The following AMPD2 variants were observed in gnomAD, a reference collection of about 807,000 sequenced individuals.
AMPD2 encodes the protein adenosine monophosphate deaminase 2, also known as AMP deaminase 2.
In AMPD2, 52 loss-of-function variants were observed where a neutral mutation model predicts 91.3. The ratio of observed to expected loss-of-function variants is 0.57; its 90% CI spans 0.46 to 0.72. The LOEUF is 0.72. AMPD2 is among the 30% of genes least tolerant of loss of function. The pLI is 0.00. For synonymous variants in AMPD2, 455 were observed against 456.4 expected (o/e 1.00, Z 0.04); for missense variants, 822 against 1,122.3 (o/e 0.73, Z 3.82).
At chr1:109,626,078 C>T (rs1650653377) in intron 4 of AMPD2, 82 bp from the exon 5 acceptor site, 6 of 1,467,376 alleles carry the variant, frequency 4.1e-6, no homozygotes, top group Non-Finnish European at 4.8e-6. Context: ...AACATGTGCA[C>T]AGCACCTAGT....
At chr1:109,620,302 A>C in intron 1 of AMPD2, 24 bp downstream of exon 1, 1 of 1,613,274 alleles carries the variant, frequency 6.2e-7, no homozygotes, top group Non-Finnish European at 8.5e-7. Context: ...CGTGTGTTGG[A>C]GGGAGGGTCT....
In AMPD2 at chr1:109,625,453, G is replaced by A. The variant is rs753406095; in HGVS notation, c.222+20G>A. 1.6e-5 allele frequency: 26 copies of A among 1,613,524 alleles called. No homozygotes were observed. The highest frequency in any genetic ancestry group is 5.0e-5 in the Admixed American group (3 of 59,972). On this transcript the variant is annotated intron_variant, in intron 3 of 18. Coordinates refer to ENST00000528667, the MANE Select transcript of AMPD2 (RefSeq NM_001368809.2). The surrounding 1 kb of genome is among the most constrained non-coding windows in gnomAD (Gnocchi z 4.0). The stretch of plus-strand genomic sequence containing the variant: ...GCCGAGGTATCACCTGGCACCACCC[G>A]CACCCTCACCCCGTGTCTCCATGCC...
chr1:109,631,304 G>T lies in AMPD2; in HGVS notation c.*152G>T. 3 of 807,836 alleles carry T rather than the reference G, an allele frequency of 3.7e-6. No homozygotes were observed. Among genetic ancestry groups the T allele is most frequent in the South Asian group, 3.4e-5 (2 of 58,092 alleles). 50.0% of individuals were successfully genotyped at this position (807,836 alleles called of 1,614,324 possible). A position where few individuals can be genotyped will look rare whatever the true frequency, so the allele number is the denominator to read the frequency against. The stretch of plus-strand genomic sequence containing the variant: ...CATGTCACTGTCCCTGGGCCACCCA[G>T]TGAAAGCAAAGCCTGGGAATCTGCT... On this transcript the variant is annotated 3_prime_UTR_variant, in exon 19 of 19. Coordinates refer to ENST00000528667, the MANE Select transcript of AMPD2 (RefSeq NM_001368809.2).
rs752716360 is a variant in AMPD2 at position 109,626,219 on chromosome 1, C to T, written c.413C>T (p.Ser138Leu). The T allele has an allele frequency of 6.2e-6, 10 of 1,614,032 alleles. No homozygotes were observed. The highest frequency in any genetic ancestry group is 1.3e-5 in the African/African-American group (1 of 74,910). ...KQDFLKTDSDSDLQLYKEQGE... is the reference protein window; with the variant it reads ...KQDFLKTDSDLDLQLYKEQGE... ...GATTTCCTGAAGACGGACAGTGACT[C>T]GGACCTACAGTGAGGAGGGCAGAGG... Residue 138 changes from serine to leucine, a missense_variant, in exon 5 of 19, where the codon TCG (serine) becomes TTG (leucine). Physicochemically the swap from Ser to Leu is moderately radical, Grantham distance 145. This residue lies in a region of AMPD2 where 240 missense variants were observed against 270.3 expected (regional missense o/e 0.89). Transcript: ENST00000528667.
chr1:109,629,466 T>C lies in AMPD2; in HGVS notation c.1838T>C (p.Met613Thr), dbSNP rs1374836888. The change falls in exon 15 of 19, where the codon ATG becomes ACG. Residue 613 changes from methionine to threonine, a missense_variant. Met to Thr is a moderately conservative substitution (Grantham distance 81, BLOSUM62 -1). Transcript: ENST00000528667. ...TACCTGTACTACACCTTTGCCAACA[T>C]GGCCATGTTGAACCACCTGCGCAGG... ...AYYLYYTFAN[M>T]AMLNHLRRQR... 3 of 1,613,908 alleles carry C rather than the reference T, an allele frequency of 1.9e-6. No individual in the cohort carries two copies. Among genetic ancestry groups the C allele is most frequent in the Non-Finnish European group, 2.5e-6 (3 of 1,179,976 alleles).
chr1:109,630,351 G>T lies in AMPD2; in HGVS notation c.2102G>T (p.Arg701Leu). ...HRNPLPEYLS[R>L]GLMVSLSTDD... Reference sequence around the variant, plus strand: ...AATCCGCTACCGGAGTACCTGTCCCGCGGCCTCATGGTCTCCCTGTCCACT... The same window carrying T: ...AATCCGCTACCGGAGTACCTGTCCCTCGGCCTCATGGTCTCCCTGTCCACT... The change falls in exon 17 of 19, where the codon CGC (arginine) becomes CTC (leucine). Residue 701 changes from arginine (R) to leucine (L), a missense_variant. By Grantham distance (102) the Arg-to-Leu change is moderately radical. Around this residue, in one of 5 missense-constraint regions of AMPD2, gnomAD observed 430 missense variants for 606.0 expected, o/e 0.71. Coordinates refer to ENST00000528667, the MANE Select transcript of AMPD2 (RefSeq NM_001368809.2). 1 of 1,613,804 alleles carries T rather than the reference G, an allele frequency of 6.2e-7. No homozygotes were observed. Among genetic ancestry groups the T allele is most frequent in the Non-Finnish European group, 8.5e-7 (1 of 1,179,966 alleles).
In AMPD2 at chr1:109,631,243, C is replaced by G. The variant is rs1183575221; in HGVS notation, c.*91C>G. ...CATGCTGTGTGGTCTCTGCATGTCT[C>G]CATTCTTCTCTGTCTCTGTCTTGCA... On this transcript the variant is annotated 3_prime_UTR_variant, in exon 19 of 19. Transcript: ENST00000528667. 7 of 1,227,116 alleles carry G rather than the reference C, an allele frequency of 5.7e-6. No individual in the cohort carries two copies. Among genetic ancestry groups the G allele is most frequent in the Non-Finnish European group, 8.2e-6 (7 of 858,494 alleles). The allele number at this position is 1,227,116 out of a possible 1,614,324, so 76.0% of individuals were successfully genotyped here.
rs1046235480 is a variant in AMPD2 at position 109,631,496 on chromosome 1, C to G, written c.*344C>G. ...GGGGGGCTGGCCCCTCTAGCCTTTCCGGTCCTTCCTGGGCAAATCTAAGCC... is the reference window on the plus strand; with the variant it reads ...GGGGGGCTGGCCCCTCTAGCCTTTCGGGTCCTTCCTGGGCAAATCTAAGCC... On this transcript the variant is annotated 3_prime_UTR_variant, in exon 19 of 19. Transcript: ENST00000528667. 5.1e-6 allele frequency: 2 copies of G among 392,912 alleles called. No homozygotes were observed. The highest frequency in any genetic ancestry group is 2.0e-5 in the African/African-American group (1 of 48,858). The allele number at this position is 392,912 out of a possible 1,614,324, so 24.3% of individuals were successfully genotyped here. A position where few individuals can be genotyped will look rare whatever the true frequency, so the allele number is the denominator to read the frequency against.
intron 2 of AMPD2, chr1:109,622,282 C>A: frequency 4.4e-6 from 2 of 456,274 alleles, no homozygotes; most frequent in Non-Finnish European, 8.8e-6. Flanking sequence ...CCTTCCTGGC[C>A]CTGTTTGGTT....
chr1:109,624,940 T>A lies in AMPD2; in HGVS notation c.92-363T>A, dbSNP rs1362238130. On this transcript the variant is annotated intron_variant, in intron 2 of 18. Coordinates refer to ENST00000528667, the MANE Select transcript of AMPD2 (RefSeq NM_001368809.2). This position sits in a 1 kb window ranked among gnomAD's most constrained non-coding sequence, Gnocchi z 5.2. ...GTGTCTCTGAGGGTGTCTGTGTGCG[T>A]ACGTGCATGTGTGTGCACACGTACA... 6.6e-6 allele frequency among the ~76,000 whole-genome samples: 1 copy of A among 152,162 alleles called. No individual in the cohort carries two copies. Among genetic ancestry groups the A allele is most frequent in the East Asian group, 1.9e-4 (1 of 5,192 alleles).
In AMPD2 at chr1:109,631,276, T is replaced by G. The variant is rs907205114; in HGVS notation, c.*124T>G. The G allele has an allele frequency of 9.9e-7, 1 of 1,007,648 alleles. No homozygotes were observed. The highest frequency in any genetic ancestry group is 1.6e-5 in the African/African-American group (1 of 62,696). 62.4% of individuals were successfully genotyped at this position (1,007,648 alleles called of 1,614,324 possible). ...CTCTGTCTCTGTCTTGCATGTCTCC[T>G]ACCATGTCACTGTCCCTGGGCCACC... On this transcript the variant is annotated 3_prime_UTR_variant, in exon 19 of 19. Transcript: ENST00000528667.
rs2101156801 is a variant in AMPD2, at chr1:109,626,228, A to G, written c.422A>G (p.Gln141Arg). The part of the protein sequence containing the change: ...FLKTDSDSDL[Q>R]LYKEQGEGQG... ...AAGACGGACAGTGACTCGGACCTAC[A>G]GTGAGGAGGGCAGAGGGGCACAGGG... The change falls in exon 5 of 19, where the codon CAG (glutamine) becomes CGG (arginine). Residue 141 changes from glutamine to arginine, a missense_variant and splice_region_variant. Gln to Arg is a conservative substitution (Grantham distance 43, BLOSUM62 1). This residue lies in a region of AMPD2 where 240 missense variants were observed against 270.3 expected (regional missense o/e 0.89). Coordinates refer to ENST00000528667, the MANE Select transcript of AMPD2 (RefSeq NM_001368809.2). 1 of 1,614,142 alleles carries G rather than the reference A, an allele frequency of 6.2e-7. No homozygotes were observed. Among genetic ancestry groups the G allele is most frequent in the Non-Finnish European group, 8.5e-7 (1 of 1,180,022 alleles).
chr1:109,621,298 T>C (rs778681910), intron 2 of AMPD2, 32 bp downstream of exon 2: 2 of 1,607,088 alleles, frequency 1.2e-6, no homozygotes, highest in Non-Finnish European at 1.7e-6. Flanking sequence ...TCAGGATAGA[T>C]GCTGGGCTCT....
rs377015724 is a variant in AMPD2 at position 109,631,011 on chromosome 1, C to T, written c.2337C>T (p.Thr779=). ...CTGAGGGGAATGACATCCGCCGGAC[C>T]AATGTGCCAGACATCCGCGTGGGCT... is the stretch of plus-strand genomic sequence containing the variant. ...EGPEGNDIRR[T]NVPDIRVGYR... is the part of the protein sequence containing the mutation. The change falls in exon 19 of 19, where the codon ACC becomes ACT. Residue 779 remains threonine (T), a synonymous_variant. Coordinates refer to ENST00000528667, the MANE Select transcript of AMPD2 (RefSeq NM_001368809.2). 1.2e-6 allele frequency: 2 copies of T among 1,614,182 alleles called. No individual in the cohort carries two copies. Among genetic ancestry groups the T allele is most frequent in the Non-Finnish European group, 1.7e-6 (2 of 1,180,028 alleles).
Position 109,624,746 on chromosome 1 carries a change from C to T in AMPD2, c.92-557C>T, listed in dbSNP as rs532051495. On this transcript the variant is annotated intron_variant, in intron 2 of 18. Transcript: ENST00000528667. This position sits in a 1 kb window ranked among gnomAD's most constrained non-coding sequence, Gnocchi z 5.2. ...CTAGGTCAGAGCTGAGCAGCAGCTG[C>T]GGCTTCTCTTGTGCTGCACAGGTCT... 9.6e-4 allele frequency among the ~76,000 whole-genome samples: 146 copies of T among 152,286 alleles called. 2 individuals carry two copies. Among genetic ancestry groups the T allele is most frequent in the Admixed American group, 1.5e-3 (23 of 15,302 alleles).
Position 109,628,050 on chromosome 1 carries a change from C to G in AMPD2, c.1081-33C>G. On this transcript the variant is annotated intron_variant, in intron 10 of 18. Transcript: ENST00000528667. This position sits in a 1 kb window ranked among gnomAD's most constrained non-coding sequence, Gnocchi z 7.1. Reference sequence around the variant, plus strand: ...CCCAGGCCCCAGACCTTCCTGGCCTCTGGTGGATCAGCAGTGCCCTGTTCC... The same window carrying G: ...CCCAGGCCCCAGACCTTCCTGGCCTGTGGTGGATCAGCAGTGCCCTGTTCC... The G allele has an allele frequency of 6.2e-7, 1 of 1,605,784 alleles. No homozygotes were observed. Among genetic ancestry groups the G allele is most frequent in the African/African-American group, 1.3e-5 (1 of 74,968 alleles).
Position 109,625,468 on chromosome 1 carries a change from GT to G in AMPD2, c.222+36del. The G allele has an allele frequency of 6.2e-7, 1 of 1,613,430 alleles. No individual in the cohort carries two copies. Among genetic ancestry groups the G allele is most frequent in the Non-Finnish European group, 8.5e-7 (1 of 1,179,786 alleles). ...GGCACCACCCGCACCCTCACCCCGT[GT>G]CTCCATGCCCTGCCTCTGCTCCCCA... On this transcript the variant is annotated intron_variant, in intron 3 of 18. Transcript: ENST00000528667. This position sits in a 1 kb window ranked among gnomAD's most constrained non-coding sequence, Gnocchi z 4.0.
At chr1:109,621,728 G>A (rs1373313739) in intron 2 of AMPD2, among the ~76,000 whole-genome samples, 3 of 152,212 alleles carry the variant, frequency 2.0e-5, no homozygotes, top group Non-Finnish European at 4.4e-5. Context: ...CTCACTGGGG[G>A]TCTGACATCT....
At chr1:109,630,432 G>A (rs1231334792) in intron 17 of AMPD2, 26 bp downstream of exon 17, 7 of 1,610,496 alleles carry the variant, frequency 4.3e-6, no homozygotes, top group African/African-American at 2.7e-5. Flanking sequence ...GCAGCCAGGC[G>A]GGCGGGCGTC....
Sources: gnomAD v4.1 joint callset for allele counts (sites outside exome capture counted in the v4.1 genomes callset) on GRCh38, gnomAD v4.1.1 for gene constraint, gnomAD v4.1.1 regional missense constraint, Gnocchi (gnomAD v3.1) non-coding constraint, MANE v1.5 for transcripts, NCBI Gene and HGNC (gene_info 2026-07-23, HGNC 2026-07-21) for gene names.